DNAH3: variants seen among roughly 807,000 people sequenced by gnomAD.
DNAH3 encodes dynein axonemal heavy chain 3, also known as axonemal beta dynein heavy chain 3.
A neutral mutation model predicts 432.5 loss-of-function variants in DNAH3; 332 were observed. The ratio of observed to expected loss-of-function variants is 0.77; its 90% CI spans 0.70 to 0.84. The LOEUF is 0.84. Among genes scored for constraint, DNAH3 ranks in the 40% least tolerant of loss-of-function variants. DNAH3 has a pLI of 0.00. For missense variants in DNAH3, 4,861 were observed against 5,114.0 expected (o/e 0.95, Z 1.51); for synonymous variants, 1,956 against 1,900.2 (o/e 1.03, Z -0.76).
At chr16:20,989,210 C>G (rs1453006379) in intron 44 of DNAH3, among the ~76,000 whole-genome samples, 2 of 152,162 alleles carry the variant, frequency 1.3e-5, no homozygotes, top group Admixed American at 6.6e-5. Context: ...TGACAGGGTG[C>G]TGATTGGTGC....
chr16:20,954,872 A>G (rs140930208), exon 55 of DNAH3: 1 of 1,614,192 alleles, frequency 6.2e-7, no homozygotes. Flanking sequence ...AAGGCCAAAT[A>G]ACATCTTTTG....
intron 55 of DNAH3, among the ~76,000 whole-genome samples, chr16:20,953,399 T>G (rs1596928746): frequency 6.6e-6 from 1 of 152,260 alleles, no homozygotes; most frequent in East Asian, 1.9e-4. Context: ...TCGCAAGTGA[T>G]CCGCCTGCCT....
chr16:21,143,556 T>C (rs1317637840), intron 3 of DNAH3, among the ~76,000 whole-genome samples: 4 of 152,310 alleles, frequency 2.6e-5, no homozygotes, highest in Middle Eastern at 3.4e-3. Flanking sequence ...TTCTTTGTTA[T>C]AGCAGCCCAA....
rs958065527 is a variant in DNAH3, at chr16:21,079,931, G to C, written c.2969+1705C>G. On this transcript the variant is annotated intron_variant, in intron 20 of 61. Transcript: ENST00000261383. ...CTTAAATTAGACCTGCTCTGGTGCA[G>C]TATGAGTGGGGAATTCTCAGCCTTT... Among the ~76,000 whole-genome samples the C allele has an allele frequency of 6.6e-5, 10 of 152,252 alleles. No individual in the cohort carries two copies. In the South Asian group the frequency reaches 1.0e-3, roughly 16 times the overall value.
At chr16:21,035,536 G>T (rs2089125064) in intron 35 of DNAH3, among the ~76,000 whole-genome samples, 1 of 150,892 alleles carries the variant, frequency 6.6e-6, no homozygotes, top group African/African-American at 2.5e-5. Context: ...AAAGTAAGAT[G>T]GATGGATGGA....
In DNAH3 at chr16:20,988,359, G is replaced by A. The variant is rs574493399; in HGVS notation, c.6602-294C>T. On this transcript the variant is annotated intron_variant, in intron 44 of 61. Coordinates refer to ENST00000261383, the Ensembl canonical transcript of DNAH3. ...CAGATATAGAGCATCTCCATACTGC[G>A]GAAGTTCTACTGAGTGCTAGTTTAG... Among the ~76,000 whole-genome samples the A allele has an allele frequency of 1.7e-4, 26 of 152,282 alleles. No homozygotes were observed. The South Asian group carries it at 2.9e-3, about 17-fold the overall frequency.
In DNAH3 at chr16:21,003,148, G is replaced by A. The variant is rs763244200; in HGVS notation, c.6082C>T (p.Gln2028Ter). The change falls in exon 42 of 62, where the codon CAG (glutamine) becomes TAG (stop). Residue 2028 changes from glutamine to a stop codon, truncating the protein, a stop_gained. Transcript: ENST00000261383. LOFTEE classifies it high-confidence loss of function. ...TTTTCCTCCTCTTTGGTGATATACT[G>A]TGTCCACGTTTCCCAATGTCCACTA... The A allele has an allele frequency of 5.6e-6, 9 of 1,612,794 alleles. No individual in the cohort carries two copies. The highest frequency in any genetic ancestry group is 7.6e-6 in the Non-Finnish European group (9 of 1,179,656).
chr16:21,053,340 G>A (rs943797214), intron 28 of DNAH3, among the ~76,000 whole-genome samples: 3 of 152,140 alleles, frequency 2.0e-5, no homozygotes, highest in African/African-American at 7.2e-5. Flanking sequence ...TTCTCCCAAG[G>A]AAGAGGGTAT....
intron 3 of DNAH3, 69 bp from the exon 5 acceptor site, chr16:21,141,441 C>T (rs1441854246): frequency 2.5e-6 from 3 of 1,189,822 alleles, no homozygotes; most frequent in East Asian, 2.5e-5. Flanking sequence ...TCCACAGGGG[C>T]ATGACTCTCG....
intron 53 of DNAH3, among the ~76,000 whole-genome samples, chr16:20,962,486 G>C (rs948238620): frequency 6.6e-6 from 1 of 152,202 alleles, no homozygotes; most frequent in Non-Finnish European, 1.5e-5. Flanking sequence ...CTGTATAAGG[G>C]AGGGAGTGGG....
chr16:21,082,482 T>C (rs1041090360), intron 19 of DNAH3, among the ~76,000 whole-genome samples: 1 of 152,134 alleles, frequency 6.6e-6, no homozygotes, highest in Non-Finnish European at 1.5e-5. Flanking sequence ...GGATTACAGG[T>C]GTGAGCCATC....
chr16:21,048,284 G>A lies in DNAH3; in HGVS notation c.4461+1285C>T, dbSNP rs181743496. ...GCGCCCCTCCCCCAGCCAGGCTGCC[G>A]TCTTGCAGTTTGATCTCAGACTGCT... On this transcript the variant is annotated intron_variant, in intron 31 of 61. Coordinates refer to ENST00000261383, the Ensembl canonical transcript of DNAH3. Among the ~76,000 whole-genome samples the A allele has an allele frequency of 1.9e-4, 29 of 152,302 alleles. No individual in the cohort carries two copies. In the East Asian group the frequency reaches 5.6e-3, roughly 29 times the overall value.
chr16:21,022,974 C>G (rs971095337), intron 39 of DNAH3, among the ~76,000 whole-genome samples: 7 of 152,160 alleles, frequency 4.6e-5, no homozygotes, highest in African/African-American at 1.4e-4. Flanking sequence ...TCTCGAACTC[C>G]TGACCTCAAG....
intron 58 of DNAH3, among the ~76,000 whole-genome samples, chr16:20,943,389 TA>T (rs200508085): frequency 7.2e-5 from 11 of 151,816 alleles, no homozygotes; most frequent in Non-Finnish European, 1.2e-4. Flanking sequence ...TCGGTTAACT[TA>T]AAAAAAATTT....
intron 28 of DNAH3, among the ~76,000 whole-genome samples, chr16:21,052,251 CA>C (rs1439457746): frequency 6.6e-6 from 1 of 152,190 alleles, no homozygotes; most frequent in Admixed American, 6.5e-5. Context: ...CTCGGCCTCC[CA>C]AAGTGCTGAG....
At chr16:20,959,475 A>C in intron 53 of DNAH3, 71 bp from the exon 54 acceptor site, 2 of 1,448,936 alleles carry the variant, frequency 1.4e-6, no homozygotes, top group Non-Finnish European at 1.9e-6. Context: ...AGCTATATCA[A>C]CAATAACAAC....
chr16:21,151,762 CAAT>C (rs1263696823), intron 1 of DNAH3, among the ~76,000 whole-genome samples: 2 of 152,146 alleles, frequency 1.3e-5, no homozygotes, highest in African/African-American at 4.8e-5. Flanking sequence ...TCAAAAGTAA[CAAT>C]ATTAGCTGCC....
chr16:21,145,207 C>T (rs1369526033), exon 3 of DNAH3: 1 of 1,612,534 alleles, frequency 6.2e-7, no homozygotes, highest in Non-Finnish European at 8.5e-7. Flanking sequence ...CTGACCGGTC[C>T]TGTCCCTAGG....
intron 56 of DNAH3, among the ~76,000 whole-genome samples, chr16:20,949,263 C>CAAAA (rs34267850): frequency 3.3e-4 from 22 of 65,942 alleles, no homozygotes; most frequent in African/African-American, 1.1e-3. Context: ...GAGACTGTCT[C>CAAAA]AAAAAAAAAA....
Sources: allele counts gnomAD v4.1 joint callset (sites outside exome capture counted in the v4.1 genomes callset), GRCh38; gene constraint gnomAD v4.1.1; transcripts MANE v1.5; gene names NCBI Gene and HGNC (gene_info 2026-07-23, HGNC 2026-07-21).